Variants in SPAST observed in about 807,000 individuals in gnomAD.
The protein encoded by SPAST is spastic paraplegia 4 (autosomal dominant; spastin).
Under a neutral mutation model 76.6 loss-of-function variants are expected in SPAST, and 30 were observed. The observed-to-expected ratio is 0.39, with a 90% CI of 0.29 to 0.53. The LOEUF (loss-of-function observed/expected upper bound fraction) is 0.53. SPAST is among the 20% of genes least tolerant of loss of function. The probability of loss-of-function intolerance (pLI) is 0.68; values close to 1 mark genes in which losing one functional copy is unlikely to be tolerated. For synonymous variants in SPAST, 305 were observed against 281.0 expected (o/e 1.09, Z -0.86); for missense variants, 717 against 770.5 (o/e 0.93, Z 0.82).
intron 10 of SPAST, 24 bp downstream of exon 10, chr2:32,136,662 G>A (rs1213585601): frequency 1.3e-6 from 2 of 1,554,194 alleles, no homozygotes; most frequent in Non-Finnish European, 1.8e-6. Flanking sequence ...TTCCAACTAA[G>A]TTATTGACTA....
chr2:32,129,511 A>C (rs927451533), intron 9 of SPAST: 1 of 152,218 alleles, frequency 6.6e-6, no homozygotes, highest in Admixed American at 6.5e-5. Context: ...TAGGGCAAGC[A>C]TAACTACAGT....
chr2:32,100,545 T>C (rs896510295), intron 4 of SPAST, among the ~76,000 whole-genome samples: 1 of 152,126 alleles, frequency 6.6e-6, no homozygotes, highest in Non-Finnish European at 1.5e-5. Context: ...AGTGCCATGT[T>C]GGTGTGCCGC....
At chr2:32,141,999 C>G in intron 13 of SPAST, 53 bp downstream of exon 13, 1 of 1,310,142 alleles carries the variant, frequency 7.6e-7, no homozygotes, top group Non-Finnish European at 1.1e-6. Context: ...CAAGAACTAC[C>G]ATCTTGACAA....
At position 32,080,783 on chromosome 2, in the gene SPAST, C is replaced by CTTTTTTTTTT. The variant is rs1162817708; in HGVS notation, c.416-6689_416-6680dup. Among the ~76,000 whole-genome samples, 10 of 48,450 alleles carry CTTTTTTTTTT rather than the reference C, an allele frequency of 2.1e-4. 1 individual carries two copies. Among genetic ancestry groups the CTTTTTTTTTT allele is most frequent in the African/African-American group, 4.1e-4 (5 of 12,332 alleles). The allele number at this position is 48,450 out of a possible 152,430, so 31.8% of individuals were successfully genotyped here. On this transcript the variant is annotated intron_variant, in intron 1 of 16. Coordinates refer to ENST00000315285, the MANE Select transcript of SPAST (RefSeq NM_014946.4). The stretch of plus-strand genomic sequence containing the variant: ...AGTTCTTGTATGGTCTGGCTCAGTT[C>CTTTTTTTTTT]TTTTTTTTTTTTTTTTTTTTTTTTT...
chr2:32,148,058 T>C (rs1391079593), intron 16 of SPAST, among the ~76,000 whole-genome samples: 1 of 151,740 alleles, frequency 6.6e-6, no homozygotes, highest in Non-Finnish European at 1.5e-5. Flanking sequence ...TCAAACTTTT[T>C]AGTAGCTGGG....
chr2:32,106,650 A>G (rs1318397096), intron 4 of SPAST, among the ~76,000 whole-genome samples: 1 of 152,206 alleles, frequency 6.6e-6, no homozygotes, highest in Non-Finnish European at 1.5e-5. Context: ...GAGATAGAGT[A>G]AAAGGATTTC....
intron 9 of SPAST, among the ~76,000 whole-genome samples, chr2:32,132,853 C>G (rs1421336240): frequency 6.6e-6 from 1 of 152,030 alleles, no homozygotes; most frequent in Non-Finnish European, 1.5e-5. Flanking sequence ...ATACAAATCT[C>G]TACTAAATAC....
chr2:32,090,325 G>A (rs539929249), intron 3 of SPAST, among the ~76,000 whole-genome samples: 3 of 152,250 alleles, frequency 2.0e-5, no homozygotes, highest in Non-Finnish European at 4.4e-5. Context: ...CATATTTACT[G>A]TCTGGCCCTG....
intron 1 of SPAST, among the ~76,000 whole-genome samples, chr2:32,078,814 CT>C (rs1677079352): frequency 6.6e-6 from 1 of 152,094 alleles, no homozygotes. Context: ...ATCTTTTTCA[CT>C]TACCATATTT....
At chr2:32,081,652 CGT>C (rs941930969) in intron 1 of SPAST, among the ~76,000 whole-genome samples, 4 of 151,538 alleles carry the variant, frequency 2.6e-5, no homozygotes, top group African/African-American at 9.7e-5. Context: ...GGCGTGGTAG[CGT>C]GTGCCTGTAG....
intron 16 of SPAST, among the ~76,000 whole-genome samples, chr2:32,153,831 C>A (rs1209680903): frequency 6.6e-6 from 1 of 151,956 alleles, no homozygotes; most frequent in African/African-American, 2.4e-5. Flanking sequence ...AATCCCAGCA[C>A]TTTGGGAGGC....
chr2:32,124,314 A>G (rs762882760), intron 7 of SPAST, among the ~76,000 whole-genome samples: 4 of 152,202 alleles, frequency 2.6e-5, no homozygotes, highest in Admixed American at 6.5e-5. Context: ...TAAAACAACA[A>G]CAAGATACCC....
At chr2:32,126,469 CTTTTTTTTTTTTT>C (rs70938323) in intron 7 of SPAST, 7 of 38,694 alleles carry the variant, frequency 1.8e-4, no homozygotes, top group African/African-American at 4.8e-4. Flanking sequence ...GGTTTTATTT[CTTTTTTTTTTTTT>C]TTTTTTTTTT....
chr2:32,091,249 T>C (rs1259641201), intron 3 of SPAST, among the ~76,000 whole-genome samples: 4 of 1,588 alleles, frequency 2.5e-3, no homozygotes, highest in Non-Finnish European at 4.4e-3. Context: ...ATGAAGCTAT[T>C]ATTATTATTA....
chr2:32,132,306 T>C (rs1679396411), intron 9 of SPAST, among the ~76,000 whole-genome samples: 1 of 152,054 alleles, frequency 6.6e-6, no homozygotes, highest in African/African-American at 2.4e-5. Flanking sequence ...TGGGAGGATT[T>C]CTTGAGCTTG....
intron 7 of SPAST, among the ~76,000 whole-genome samples, chr2:32,125,866 C>G (rs1363061628): frequency 6.6e-6 from 1 of 152,122 alleles, no homozygotes; most frequent in Non-Finnish European, 1.5e-5. Flanking sequence ...GCAATCTTGG[C>G]TCAATACACG....
chr2:32,093,476 T>A (rs894812015), intron 3 of SPAST, among the ~76,000 whole-genome samples: 4 of 152,182 alleles, frequency 2.6e-5, no homozygotes, highest in Non-Finnish European at 5.9e-5. Flanking sequence ...AGTGAGACTT[T>A]GTCTCAAAAC....
intron 4 of SPAST, among the ~76,000 whole-genome samples, chr2:32,104,579 G>A (rs960332476): frequency 1.3e-5 from 2 of 152,186 alleles, no homozygotes; most frequent in Non-Finnish European, 2.9e-5. Context: ...TGTTTTTGCA[G>A]TGGCTTGTAC....
chr2:32,115,962 T>G (rs1449833728), intron 6 of SPAST, 127 bp downstream of exon 6: 21 of 962,988 alleles, frequency 2.2e-5, no homozygotes, highest in Non-Finnish European at 3.2e-5. Context: ...TTTATGATAG[T>G]TTTCAATTAT....
Sources: gnomAD v4.1 joint callset for allele counts (sites outside exome capture counted in the v4.1 genomes callset) on GRCh38, gnomAD v4.1.1 for gene constraint, MANE v1.5 for transcripts, NCBI Gene and HGNC (gene_info 2026-07-23, HGNC 2026-07-21) for gene names.